Variants in DACH2 observed in about 807,000 individuals in gnomAD.
DACH2 encodes the protein dachshund homolog 2.
DACH2 carries 17 observed loss-of-function variants against 35.8 expected under a neutral mutation model. That is an observed-to-expected ratio of 0.48 (90% CI 0.33 to 0.71). The LOEUF is 0.71. Among genes scored for constraint, DACH2 ranks in the 30% least tolerant of loss-of-function variants. The pLI, the probability that DACH2 is intolerant of heterozygous loss-of-function variation, is 0.02. For missense variants in DACH2, 469 were observed against 472.7 expected (o/e 0.99, Z 0.07); for synonymous variants, 195 against 177.3 (o/e 1.10, Z -0.79).
At chrX:86,725,403 A>AT (rs779068010) in intron 6 of DACH2, among the ~76,000 whole-genome samples, 2 of 111,273 alleles carry the variant, frequency 1.8e-5, no homozygotes, top group African/African-American at 3.3e-5. Flanking sequence ...TAATCTATAC[A>AT]TTTTTTTCTG....
intron 3 of DACH2, among the ~76,000 whole-genome samples, chrX:86,533,555 T>A (rs1414142115): frequency 8.9e-6 from 1 of 112,157 alleles, no homozygotes; most frequent in Non-Finnish European, 1.9e-5. Flanking sequence ...GTATGATTTA[T>A]GAAGGTAAGC....
intron 1 of DACH2, among the ~76,000 whole-genome samples, chrX:86,300,275 A>G (rs962682906): frequency 1.1e-4 from 12 of 112,081 alleles, no homozygotes; most frequent in African/African-American, 3.6e-4. Flanking sequence ...AAAAATGTGT[A>G]TATTTAATTT....
At chrX:86,218,746 T>C (rs2032634830) in intron 1 of DACH2, among the ~76,000 whole-genome samples, 1 of 112,130 alleles carries the variant, frequency 8.9e-6, no homozygotes, top group South Asian at 3.6e-4. Flanking sequence ...GAGATTTTAA[T>C]AAGGACAATT....
intron 2 of DACH2, among the ~76,000 whole-genome samples, chrX:86,452,136 T>C (rs1184221488): frequency 8.9e-6 from 1 of 112,153 alleles, no homozygotes; most frequent in Non-Finnish European, 1.9e-5. Context: ...ATTTATTGAT[T>C]TGCATATGTG....
intron 2 of DACH2, among the ~76,000 whole-genome samples, chrX:86,462,059 A>G (rs767102031): frequency 9.0e-6 from 1 of 111,544 alleles, no homozygotes; most frequent in South Asian, 3.7e-4. Context: ...ATCAACAGAG[A>G]AATGTCACTG....
chrX:86,460,933 C>T (rs1007503591), intron 2 of DACH2, among the ~76,000 whole-genome samples: 2 of 111,453 alleles, frequency 1.8e-5, no homozygotes, highest in African/African-American at 3.2e-5. Context: ...ATAATTGTAA[C>T]GTGGCCTCAT....
intron 7 of DACH2, among the ~76,000 whole-genome samples, chrX:86,806,122 A>G (rs768696206): frequency 8.1e-5 from 9 of 111,225 alleles, no homozygotes; most frequent in Non-Finnish European, 1.5e-4. Context: ...GCTATAAAGA[A>G]ATACTTGAGA....
At chrX:86,483,832 A>AC (rs77043386) in intron 2 of DACH2, among the ~76,000 whole-genome samples, 1 of 11,645 alleles carries the variant, frequency 8.6e-5, no homozygotes, top group African/African-American at 9.5e-4. Flanking sequence ...ACCTAGTCTC[A>AC]AAAAAAAATG....
intron 1 of DACH2, among the ~76,000 whole-genome samples, chrX:86,370,923 T>G (rs1192651661): frequency 9.0e-6 from 1 of 111,493 alleles, no homozygotes; most frequent in Non-Finnish European, 1.9e-5. Flanking sequence ...AAACACTTAT[T>G]GTTGTACCAT....
chrX:86,347,401 G>A (rs2035515339), intron 1 of DACH2, among the ~76,000 whole-genome samples: 1 of 47,385 alleles, frequency 2.1e-5, no homozygotes, highest in South Asian at 1.6e-3. Context: ...GCACACATAC[G>A]CAAAAGCGCA....
At chrX:86,446,937 C>T (rs1248032472) in intron 2 of DACH2, among the ~76,000 whole-genome samples, 3 of 88,577 alleles carry the variant, frequency 3.4e-5, no homozygotes, top group South Asian at 7.0e-4. Flanking sequence ...CCTATTTCTC[C>T]GCATCCTCTC....
intron 1 of DACH2, among the ~76,000 whole-genome samples, chrX:86,349,246 T>A (rs1445150438): frequency 9.0e-6 from 1 of 111,487 alleles, no homozygotes; most frequent in Non-Finnish European, 1.9e-5. Context: ...CACCCAGCTG[T>A]CAGGCTCTCA....
chrX:86,499,861 C>A (rs747306457), intron 2 of DACH2, among the ~76,000 whole-genome samples: 1 of 111,640 alleles, frequency 9.0e-6, no homozygotes, highest in African/African-American at 3.3e-5. Context: ...TGTTTAACAA[C>A]TGGCTGAGGG....
At chrX:86,388,804 AC>A (rs2036158954) in intron 2 of DACH2, among the ~76,000 whole-genome samples, 1 of 111,472 alleles carries the variant, frequency 9.0e-6, no homozygotes, top group South Asian at 3.8e-4. Context: ...AGTTAAAAAA[AC>A]TCTGTATGGG....
chrX:86,392,773 A>C (rs951312689), intron 2 of DACH2, among the ~76,000 whole-genome samples: 5 of 111,869 alleles, frequency 4.5e-5, no homozygotes, highest in African/African-American at 1.6e-4. Flanking sequence ...TAATCTTGAG[A>C]ATTAGTCCTT....
chrX:86,189,415 A>T (rs1602267819), intron 1 of DACH2, among the ~76,000 whole-genome samples: 1 of 111,926 alleles, frequency 8.9e-6, no homozygotes, highest in East Asian at 2.8e-4. Context: ...GTCAGTGAAC[A>T]AATGTAATTA....
At chrX:86,726,916 T>C (rs2041476335) in intron 6 of DACH2, among the ~76,000 whole-genome samples, 1 of 112,172 alleles carries the variant, frequency 8.9e-6, no homozygotes, top group Non-Finnish European at 1.9e-5. Flanking sequence ...TTTCCATCAG[T>C]CTCTGCTGAA....
Position 86,306,980 on chromosome X carries a change from C to T in DACH2, c.489-69844C>T, listed in dbSNP as rs368702664. ...ACTCTACTTTTAATAGCATGGAGAACACCAATATTCCTTGGCATGAACTAT... is the reference window on the plus strand; with the variant it reads ...ACTCTACTTTTAATAGCATGGAGAATACCAATATTCCTTGGCATGAACTAT... On this transcript the variant is annotated intron_variant, in intron 1 of 11. Coordinates refer to ENST00000373125, the MANE Select transcript of DACH2 (RefSeq NM_053281.3). Among the ~76,000 whole-genome samples the T allele has an allele frequency of 3.2e-4, 36 of 111,430 alleles. No homozygotes were observed. The East Asian group carries it at 4.2e-3, about 13-fold the overall frequency.
chrX:86,295,956 A>G (rs2034445130), intron 1 of DACH2, among the ~76,000 whole-genome samples: 2 of 111,049 alleles, frequency 1.8e-5, no homozygotes, highest in Admixed American at 9.6e-5. Flanking sequence ...TAGTTGTTAA[A>G]TTGATATCCT....
Sources: gnomAD v4.1 joint callset for allele counts (sites outside exome capture counted in the v4.1 genomes callset) on GRCh38, gnomAD v4.1.1 for gene constraint, MANE v1.5 for transcripts, NCBI Gene and HGNC (gene_info 2026-07-23, HGNC 2026-07-21) for gene names.